The following MAPK9 variants were observed in gnomAD, a reference collection of about 807,000 sequenced individuals.
The protein encoded by MAPK9 is Jun kinase.
A neutral mutation model predicts 57.1 loss-of-function variants in MAPK9; 30 were observed. That is an observed-to-expected ratio of 0.53 (90% CI 0.39 to 0.71). The LOEUF is 0.71. MAPK9 is among the 30% of genes least tolerant of loss of function. MAPK9 has a pLI of 0.00. For missense variants in MAPK9, 362 were observed against 521.0 expected (o/e 0.69, Z 2.97); for synonymous variants, 155 against 177.0 (o/e 0.88, Z 0.99).
rs751637168 is a variant in MAPK9 at position 180,236,156 on chromosome 5, T to C, written c.*228A>G. The C allele has an allele frequency of 2.3e-5, 9 of 384,108 alleles. No individual in the cohort carries two copies. The South Asian group carries it at 7.0e-4, about 30-fold the overall frequency. The allele number at this position is 384,108 out of a possible 1,614,324, so 23.8% of individuals were successfully genotyped here. A position where few individuals can be genotyped will look rare whatever the true frequency, so the allele number is the denominator to read the frequency against. On this transcript the variant is annotated 3_prime_UTR_variant, in exon 12 of 12. Transcript: ENST00000452135. Reference sequence around the variant, plus strand: ...TCTAACTGCTCACCTGAAATGATCTTGAACAAAATCTCTAGAAGTGTGGCT... The same window carrying C: ...TCTAACTGCTCACCTGAAATGATCTCGAACAAAATCTCTAGAAGTGTGGCT...
intron 7 of MAPK9, among the ~76,000 whole-genome samples, chr5:180,245,381 C>T (rs372029919): frequency 1.3e-5 from 2 of 152,336 alleles, no homozygotes; most frequent in East Asian, 1.9e-4. Flanking sequence ...ACGATCCACC[C>T]TCAATTCAGC....
At chr5:180,280,058 C>T (rs750034295) in intron 2 of MAPK9, 11 of 455,246 alleles carry the variant, frequency 2.4e-5, no homozygotes, top group South Asian at 1.1e-4. Flanking sequence ...CAGGAGTGAT[C>T]GGGAATAAAA....
chr5:180,278,324 AAT>A (rs1581292171), intron 2 of MAPK9, among the ~76,000 whole-genome samples: 2 of 152,244 alleles, frequency 1.3e-5, no homozygotes, highest in Non-Finnish European at 2.9e-5. Context: ...GTGATTCTAC[AAT>A]ATACACTATT....
chr5:180,239,322 G>A (rs551004680), intron 10 of MAPK9, among the ~76,000 whole-genome samples: 81 of 152,356 alleles, frequency 5.3e-4, no homozygotes, highest in African/African-American at 1.9e-3. Context: ...CAGTGAGCAC[G>A]CTGTGTGCAT....
chr5:180,254,960 A>C (rs533346564), intron 5 of MAPK9, among the ~76,000 whole-genome samples: 1 of 152,222 alleles, frequency 6.6e-6, no homozygotes, highest in East Asian at 1.9e-4. Flanking sequence ...CGTGAACCCG[A>C]GAGGCAGAGT....
At chr5:180,258,271 C>CA (rs1759502396) in intron 5 of MAPK9, 1 of 152,226 alleles carries the variant, frequency 6.6e-6, no homozygotes, top group South Asian at 2.1e-4. Flanking sequence ...TGGTTACCTT[C>CA]ATAACCATAA....
chr5:180,238,284 G>T, intron 11 of MAPK9, 48 bp downstream of exon 11: 5 of 1,460,100 alleles, frequency 3.4e-6, no homozygotes, highest in South Asian at 1.2e-5. Context: ...AAAAAAAGTT[G>T]AATAGGGAAA....
chr5:180,257,878 C>G, intron 5 of MAPK9: 1 of 181,988 alleles, frequency 5.5e-6, no homozygotes, highest in Non-Finnish European at 1.2e-5. Flanking sequence ...AGTGTGTGGA[C>G]AAGTCTTCAC....
At chr5:180,290,708 A>G (rs1461952935) in intron 1 of MAPK9, among the ~76,000 whole-genome samples, 2 of 152,260 alleles carry the variant, frequency 1.3e-5, no homozygotes, top group African/African-American at 4.8e-5. Flanking sequence ...CCATCTGCTT[A>G]CAAGTTTCAC....
In MAPK9 at chr5:180,280,513, C is replaced by T; in HGVS notation, c.49G>A (p.Asp17Asn). 3 of 1,614,224 alleles carry T rather than the reference C, an allele frequency of 1.9e-6. No individual in the cohort carries two copies. Among genetic ancestry groups the T allele is most frequent in the Non-Finnish European group, 2.5e-6 (3 of 1,180,034 alleles). ...CGTTTTAGGACAGTGAAGGTTGAGT[C>T]TGCCACTTGCACACTATAAAACTGA... ...DSQFYSVQVA[D>N]STFTVLKRYQ... Residue 17 changes from aspartate to asparagine, a missense_variant, in exon 2 of 12, where the codon GAC becomes AAC. Asp to Asn is a conservative substitution (Grantham distance 23). Transcript: ENST00000452135.
At chr5:180,246,461 A>G (rs1387786868) in intron 7 of MAPK9, 1 of 152,244 alleles carries the variant, frequency 6.6e-6, no homozygotes, top group Non-Finnish European at 1.5e-5. Context: ...TGATAAAATT[A>G]TTAAAATCTG....
At chr5:180,258,171 A>T (rs1454136021) in intron 5 of MAPK9, 1 of 152,248 alleles carries the variant, frequency 6.6e-6, no homozygotes, top group Non-Finnish European at 1.5e-5. Flanking sequence ...AAGCCTTGAG[A>T]TTTTGCAGTT....
At chr5:180,259,512 G>A (rs180767026) in intron 5 of MAPK9, among the ~76,000 whole-genome samples, 35 of 151,910 alleles carry the variant, frequency 2.3e-4, no homozygotes, top group East Asian at 7.8e-4. Context: ...ATGTAAACAC[G>A]GAAGAACTCA....
At position 180,264,495 on chromosome 5, in the gene MAPK9, GA is replaced by G. The variant is rs540660539; in HGVS notation, c.311+285del. On this transcript the variant is annotated intron_variant, in intron 4 of 11. Transcript: ENST00000452135. ...AAAATCCTGGCTATCAGGGATTTGA[GA>G]AAAACATTTTATAGTTCAGCAAAAC... Among the ~76,000 whole-genome samples the G allele has an allele frequency of 3.3e-4, 50 of 152,320 alleles. 1 individual carries two copies. The highest frequency in any genetic ancestry group is 2.6e-3 in the Admixed American group (40 of 15,296).
At chr5:180,276,581 C>T (rs1007977370) in intron 2 of MAPK9, among the ~76,000 whole-genome samples, 3 of 152,160 alleles carry the variant, frequency 2.0e-5, no homozygotes, top group Non-Finnish European at 4.4e-5. Flanking sequence ...TTAGGCCAGG[C>T]GCGGTGGCTC....
Position 180,247,570 on chromosome 5 carries a change from A to C in MAPK9, c.617-60T>G. 6.9e-7 allele frequency: 1 copy of C among 1,455,882 alleles called. No individual in the cohort carries two copies. The allele number at this position is 1,455,882 out of a possible 1,614,324, so 90.2% of individuals were successfully genotyped here. Reference sequence around the variant, plus strand: ...GCCATGAACAAAACAAAAGTGAGGAAAAGGAATTCTAACAGTGCACTAAAC... The same window carrying C: ...GCCATGAACAAAACAAAAGTGAGGACAAGGAATTCTAACAGTGCACTAAAC... On this transcript the variant is annotated intron_variant, in intron 6 of 11. Transcript: ENST00000452135. The surrounding 1 kb of genome is among the most constrained non-coding windows in gnomAD (Gnocchi z 4.5).
At chr5:180,285,696 G>T (rs1762675438) in intron 1 of MAPK9, among the ~76,000 whole-genome samples, 1 of 152,052 alleles carries the variant, frequency 6.6e-6, no homozygotes, top group Non-Finnish European at 1.5e-5. Flanking sequence ...GCCGAAGGTG[G>T]GAGGATCACT....
In MAPK9 at chr5:180,278,505, TC is replaced by T. The variant is rs569068403; in HGVS notation, c.122+1934del. ...TCATGAGGTCAAGAGATCGAGACCATCCTGGCCAACATGGGGAAACCCTGTC... is the reference window on the plus strand; with the variant it reads ...TCATGAGGTCAAGAGATCGAGACCATCTGGCCAACATGGGGAAACCCTGTC... On this transcript the variant is annotated intron_variant, in intron 2 of 11. Transcript: ENST00000452135. 1.1e-4 allele frequency among the ~76,000 whole-genome samples: 16 copies of T among 152,222 alleles called. No homozygotes were observed. The South Asian group carries it at 2.1e-3, about 20-fold the overall frequency.
intron 7 of MAPK9, among the ~76,000 whole-genome samples, chr5:180,244,778 GA>G (rs77077681): frequency 0.35 from 44,525 of 127,212 alleles, 7,139 homozygotes; most frequent in African/African-American, 0.4. Context: ...TGTCTCAAAG[GA>G]AAAAAAAAAA....
Sources: allele counts gnomAD v4.1 joint callset (sites outside exome capture counted in the v4.1 genomes callset), GRCh38; gene constraint gnomAD v4.1.1; non-coding constraint Gnocchi (gnomAD v3.1); transcripts MANE v1.5; gene names NCBI Gene and HGNC (gene_info 2026-07-23, HGNC 2026-07-21).